FIRRM: variants seen among roughly 807,000 people sequenced by gnomAD.
FIRRM encodes FIGNL1-interacting regulator of recombination and mitosis.
chr1:169,832,630 T>TC, the FIRRM span: 1 of 666,916 alleles, frequency 1.5e-6, no homozygotes, highest in Non-Finnish European at 2.5e-6. Context: ...TGAGACAGAG[T>TC]CTCGCTCTGT....
the FIRRM span, among the ~76,000 whole-genome samples, chr1:169,825,544 G>T: frequency 2.6e-5 from 4 of 152,124 alleles, no homozygotes; most frequent in African/African-American, 9.7e-5. Flanking sequence ...AAAAATAGTT[G>T]ATTGAAAAAA....
At chr1:169,787,728 G>T in the FIRRM span, among the ~76,000 whole-genome samples, 1 of 152,160 alleles carries the variant, frequency 6.6e-6, no homozygotes, top group Non-Finnish European at 1.5e-5. Context: ...TGCACAATGA[G>T]ATTACTAAAA....
At chr1:169,833,693 T>G in the FIRRM span, among the ~76,000 whole-genome samples, 3 of 152,164 alleles carry the variant, frequency 2.0e-5, no homozygotes, top group Non-Finnish European at 4.4e-5. Flanking sequence ...CACCTACCTC[T>G]TAGCCTTCTT....
At chr1:169,839,760 A>G in the FIRRM span, among the ~76,000 whole-genome samples, 1 of 151,948 alleles carries the variant, frequency 6.6e-6, no homozygotes, top group Non-Finnish European at 1.5e-5. Context: ...CCACTTGTCA[A>G]TTTTTGTTTT....
chr1:169,850,231 T>C, the FIRRM span: 2 of 1,414,148 alleles, frequency 1.4e-6, no homozygotes, highest in Non-Finnish European at 2.0e-6. Flanking sequence ...TGTTGAAATG[T>C]TAAAATTGGT....
the FIRRM span, chr1:169,852,106 T>TG: frequency 1.2e-5 from 10 of 808,438 alleles, no homozygotes; most frequent in South Asian, 1.6e-4. Context: ...AATTAAGAAG[T>TG]GGGACTACAC....
At chr1:169,798,415 G>C in the FIRRM span, among the ~76,000 whole-genome samples, 1 of 151,756 alleles carries the variant, frequency 6.6e-6, no homozygotes, top group Non-Finnish European at 1.5e-5. Context: ...TTACAGGTGT[G>C]CGCCACCATG....
the FIRRM span, among the ~76,000 whole-genome samples, chr1:169,784,314 C>T: frequency 1.3e-5 from 2 of 152,142 alleles, no homozygotes; most frequent in African/African-American, 4.8e-5. Context: ...TTGTCTCTAC[C>T]ACCATGAGTC....
the FIRRM span, chr1:169,804,261 G>C: frequency 2.8e-6 from 4 of 1,442,992 alleles, no homozygotes; most frequent in Admixed American, 2.4e-5. Context: ...AAAACTTTCT[G>C]CTTAGTATAT....
the FIRRM span, among the ~76,000 whole-genome samples, chr1:169,819,562 G>A: frequency 6.6e-6 from 1 of 152,166 alleles, no homozygotes; most frequent in African/African-American, 2.4e-5. Flanking sequence ...GGAAAATAGA[G>A]GTTTTCACTA....
At chr1:169,824,535 CCCCTGTCTCAA>C in the FIRRM span, among the ~76,000 whole-genome samples, 1 of 152,328 alleles carries the variant, frequency 6.6e-6, no homozygotes, top group Admixed American at 6.5e-5. Flanking sequence ...GTTGTCTATA[CCCCTGTCTCAA>C]CTCTTTCTTG....
chr1:169,851,607 G>GACA, the FIRRM span: 1 of 611,118 alleles, frequency 1.6e-6, no homozygotes, highest in Non-Finnish European at 2.7e-6. Context: ...TTCCTGCAAA[G>GACA]ACAACTCTAT....
chr1:169,810,528 G>C, the FIRRM span, among the ~76,000 whole-genome samples: 1 of 151,598 alleles, frequency 6.6e-6, no homozygotes, highest in Non-Finnish European at 1.5e-5. Flanking sequence ...AGCTTACTTT[G>C]GCTTTCTGTG....
chr1:169,793,998 T>C, the FIRRM span: 155,550 of 219,084 alleles, frequency 0.71, 54,714 homozygotes, highest in Middle Eastern at 0.84. Flanking sequence ...CACCCCTCCC[T>C]GTCCCACCAT....
At chr1:169,825,175 A>G in the FIRRM span, among the ~76,000 whole-genome samples, 1 of 152,204 alleles carries the variant, frequency 6.6e-6, no homozygotes, top group African/African-American at 2.4e-5. Context: ...GGATTTTGCA[A>G]AAAACTTTCT....
At chr1:169,800,735 A>G in the FIRRM span, 1 of 225,840 alleles carries the variant, frequency 4.4e-6, no homozygotes, top group South Asian at 1.7e-4. Flanking sequence ...TTTTTTGGCT[A>G]CTACTTAATA....
the FIRRM span, chr1:169,804,327 C>T: frequency 2.9e-6 from 3 of 1,017,388 alleles, no homozygotes; most frequent in Non-Finnish European, 4.0e-6. Context: ...ATGTTATTTT[C>T]TTACTAATTA....
chr1:169,836,815 C>A, the FIRRM span: 3 of 683,200 alleles, frequency 4.4e-6, no homozygotes, highest in Non-Finnish European at 7.1e-6. Flanking sequence ...ATTACCGTAC[C>A]ATTATAAAGC....
At chr1:169,814,828 G>A in the FIRRM span, among the ~76,000 whole-genome samples, 1 of 152,152 alleles carries the variant, frequency 6.6e-6, no homozygotes, top group South Asian at 2.1e-4. Flanking sequence ...AGACTCAAAA[G>A]TTATCCTCGG....
Sources: allele counts gnomAD v4.1 joint callset (sites outside exome capture counted in the v4.1 genomes callset), GRCh38; gene constraint gnomAD v4.1.1; transcripts MANE v1.5; gene names NCBI Gene and HGNC (gene_info 2026-07-23, HGNC 2026-07-21).